Variants in DOCK8 observed in about 807,000 individuals in gnomAD.
The protein encoded by DOCK8 is dedicator of cytokinesis 8, also known as dedicator of cytokinesis protein 8.
A neutral mutation model predicts 245.6 loss-of-function variants in DOCK8; 141 were observed. The observed-to-expected ratio is 0.57, with a 90% CI of 0.50 to 0.66. The LOEUF (loss-of-function observed/expected upper bound fraction) is 0.66. Among genes scored for constraint, DOCK8 ranks in the 30% least tolerant of loss-of-function variants. DOCK8 has a pLI of 0.00. For synonymous variants in DOCK8, 1,168 were observed against 970.2 expected (o/e 1.20, Z -3.79); for missense variants, 2,965 against 2,603.4 (o/e 1.14, Z -3.02).
chr9:333,429 GT>G (rs1297548127), intron 10 of DOCK8, among the ~76,000 whole-genome samples: 42 of 151,900 alleles, frequency 2.8e-4, no homozygotes, highest in Admixed American at 2.8e-3. Flanking sequence ...GTGAAACCCC[GT>G]CTCTGCTAAA....
At chr9:401,317 G>A (rs1274112438) in intron 26 of DOCK8, among the ~76,000 whole-genome samples, 1 of 152,178 alleles carries the variant, frequency 6.6e-6, no homozygotes, top group African/African-American at 2.4e-5. Context: ...AAGAGCGGAA[G>A]CCCCTCCCAG....
intron 43 of DOCK8, among the ~76,000 whole-genome samples, chr9:444,313 T>C (rs1033789243): frequency 7.7e-6 from 1 of 129,668 alleles, no homozygotes; most frequent in African/African-American, 2.7e-5. Flanking sequence ...CCTGTTAGCT[T>C]GAAAATAGGA....
intron 6 of DOCK8, 200 bp downstream of exon 6, chr9:312,366 T>C (rs2050164128): frequency 7.1e-6 from 5 of 706,712 alleles, no homozygotes; most frequent in Non-Finnish European, 1.3e-5. Flanking sequence ...GATGGGATTC[T>C]GATAATAATA....
chr9:214,596 G>A, upstream of DOCK8: 7 of 1,613,940 alleles, frequency 4.3e-6, no homozygotes, highest in Non-Finnish European at 5.9e-6. Context: ...TCGCAGCTTC[G>A]GGCAGATGGA....
At chr9:356,556 G>A (rs945960938) in intron 14 of DOCK8, among the ~76,000 whole-genome samples, 1 of 149,484 alleles carries the variant, frequency 6.7e-6, no homozygotes, top group Non-Finnish European at 1.5e-5. Flanking sequence ...GAAAAAATTT[G>A]GTTTGGGTCC....
At chr9:377,279 A>G in intron 20 of DOCK8, 68 bp downstream of exon 20, 2 of 1,421,108 alleles carry the variant, frequency 1.4e-6, no homozygotes, top group Admixed American at 2.1e-5. Flanking sequence ...TTAATGAAAA[A>G]TGACTTTCCA....
At chr9:446,317 A>C in intron 43 of DOCK8, 53 bp from the exon 44 acceptor site, 1 of 1,476,934 alleles carries the variant, frequency 6.8e-7, no homozygotes, top group Non-Finnish European at 9.5e-7. Flanking sequence ...TGCGTCAGGG[A>C]TGGCCGTTTG....
chr9:342,595 G>T (rs1188186334), intron 14 of DOCK8, among the ~76,000 whole-genome samples: 1 of 150,640 alleles, frequency 6.6e-6, no homozygotes, highest in Non-Finnish European at 1.5e-5. Flanking sequence ...TCAGCTGCCC[G>T]AGTAGCTGGG....
At chr9:376,148 G>C in intron 18 of DOCK8, 62 bp from the exon 19 acceptor site, 1 of 1,190,174 alleles carries the variant, frequency 8.4e-7, no homozygotes, top group Non-Finnish European at 1.3e-6. Flanking sequence ...GGTCTGCATT[G>C]CTTGTTAGTA....
chr9:264,201 A>T (rs1038516230), intron 1 of DOCK8, among the ~76,000 whole-genome samples: 7 of 152,254 alleles, frequency 4.6e-5, no homozygotes, highest in African/African-American at 1.7e-4. Flanking sequence ...TTATATCAAG[A>T]AGGAAACTTA....
intron 1 of DOCK8, chr9:220,815 G>A: frequency 8.4e-6 from 3 of 355,348 alleles, no homozygotes; most frequent in Non-Finnish European, 1.6e-5. Context: ...CTGCCTCCCG[G>A]ATTCAAGCGA....
At chr9:212,464 A>G (rs1040883652), upstream of DOCK8, among the ~76,000 whole-genome samples, 2 of 152,220 alleles carry the variant, frequency 1.3e-5, no homozygotes, top group Non-Finnish European at 2.9e-5. Context: ...CTCTCTGGAC[A>G]GAGGGCTGAT....
chr9:212,808 G>A (rs2046640791), upstream of DOCK8: 8 of 152,172 alleles, frequency 5.3e-5, no homozygotes, highest in Admixed American at 5.2e-4. Flanking sequence ...GATTGCAAAT[G>A]CTGAAAATCT....
intron 33 of DOCK8, among the ~76,000 whole-genome samples, chr9:425,503 C>T (rs1338305058): frequency 7.0e-6 from 1 of 142,018 alleles, no homozygotes; most frequent in African/African-American, 2.8e-5. Context: ...CTGCACTCTG[C>T]ACTCCAGCCT....
intron 6 of DOCK8, among the ~76,000 whole-genome samples, chr9:313,567 C>G (rs1253902306): frequency 6.6e-6 from 1 of 152,104 alleles, no homozygotes; most frequent in Non-Finnish European, 1.5e-5. Flanking sequence ...AAAAGTGGAT[C>G]TCATAGAAAC....
chr9:431,020 G>A (rs949947153), intron 36 of DOCK8, among the ~76,000 whole-genome samples: 2 of 146,444 alleles, frequency 1.4e-5, no homozygotes, highest in African/African-American at 2.4e-5. Context: ...TTACAGGCAC[G>A]AGCCACCTTA....
intron 1 of DOCK8, among the ~76,000 whole-genome samples, chr9:239,527 A>C (rs549425714): frequency 2.0e-5 from 3 of 152,354 alleles, no homozygotes; most frequent in South Asian, 2.1e-4. Context: ...GAAGGAGAAG[A>C]AGCAATTGAT....
chr9:327,207 C>A (rs867926234), intron 8 of DOCK8, among the ~76,000 whole-genome samples: 1 of 152,180 alleles, frequency 6.6e-6, no homozygotes. Context: ...TCACCTTCCA[C>A]CCCTGCCTAT....
At chr9:316,998 C>A (rs2296824) in intron 6 of DOCK8, 45 bp from the exon 7 acceptor site, 2 of 1,473,248 alleles carry the variant, frequency 1.4e-6, no homozygotes, top group Non-Finnish European at 1.9e-6. Flanking sequence ...TTGGAGCTCC[C>A]CACAGAATTC....
Sources: allele counts gnomAD v4.1 joint callset (sites outside exome capture counted in the v4.1 genomes callset), GRCh38; gene constraint gnomAD v4.1.1; transcripts MANE v1.5; gene names NCBI Gene and HGNC (gene_info 2026-07-23, HGNC 2026-07-21).